Variants in LASP1 observed in about 807,000 individuals in gnomAD.
The protein encoded by LASP1 is LIM and SH3 protein 1, also known as LIM and SH3 domain protein 1.
LASP1 carries 10 observed loss-of-function variants against 38.6 expected under a neutral mutation model. That is an observed-to-expected ratio of 0.26 (90% CI 0.16 to 0.44). The LOEUF (loss-of-function observed/expected upper bound fraction) is 0.44. Among genes scored for constraint, LASP1 ranks in the 20% least tolerant of loss-of-function variants. The pLI, the probability that LASP1 is intolerant of heterozygous loss-of-function variation, is 1.00. For missense variants in LASP1, 243 were observed against 375.7 expected, an observed-to-expected ratio of 0.65 and a Z score of 2.92; for synonymous variants, 132 against 140.8, an observed-to-expected ratio of 0.94 and a Z score of 0.44.
chr17:38,917,217 T>C (rs1330163175), intron 6 of LASP1, among the ~76,000 whole-genome samples: 1 of 152,124 alleles, frequency 6.6e-6, no homozygotes. Context: ...TGGGAGTGGC[T>C]CAGCCCAAGA....
intron 1 of LASP1, among the ~76,000 whole-genome samples, chr17:38,876,980 G>A (rs1324132556): frequency 6.6e-6 from 1 of 152,150 alleles, no homozygotes; most frequent in Non-Finnish European, 1.5e-5. Context: ...GGGATTACAG[G>A]CGTGAGCCAC....
At chr17:38,914,239 C>T in intron 4 of LASP1, 86 bp from the exon 5 acceptor site, 1 of 1,495,622 alleles carries the variant, frequency 6.7e-7, no homozygotes, top group Non-Finnish European at 9.1e-7. Flanking sequence ...TGGGTAGTCT[C>T]TCCCATCCTG....
At chr17:38,901,554 A>C (rs1331218513) in intron 4 of LASP1, among the ~76,000 whole-genome samples, 1 of 152,142 alleles carries the variant, frequency 6.6e-6, no homozygotes, top group Non-Finnish European at 1.5e-5. Context: ...TTGACTGAAA[A>C]TGCAGACTCA....
At chr17:38,887,910 GTTCTTAGC>G (rs1201973738) in intron 2 of LASP1, among the ~76,000 whole-genome samples, 1 of 152,160 alleles carries the variant, frequency 6.6e-6, no homozygotes, top group Non-Finnish European at 1.5e-5. Context: ...GGGGCAGCTC[GTTCTTAGC>G]TCTCGAGTGT....
At chr17:38,879,619 C>T (rs1913883476) in intron 2 of LASP1, among the ~76,000 whole-genome samples, 1 of 148,106 alleles carries the variant, frequency 6.8e-6, no homozygotes, top group Non-Finnish European at 1.5e-5. Context: ...AGCTGAAGTT[C>T]ACCCAGGGAA....
rs534582397 is a variant in LASP1 at position 38,903,423 on chromosome 17, G to A, written c.357+4904G>A. On this transcript the variant is annotated intron_variant, in intron 4 of 6. Transcript: ENST00000318008. ...TGCCCAGGCTGGAGTACAGTGGCAC[G>A]ATCATAGGTCACTGCAGCCTCGAAC... Among the ~76,000 whole-genome samples the A allele has an allele frequency of 8.5e-5, 13 of 152,280 alleles. No homozygotes were observed. The East Asian group carries it at 1.4e-3, about 16-fold the overall frequency.
At chr17:38,889,193 G>T (rs181651665) in intron 2 of LASP1, among the ~76,000 whole-genome samples, 364 of 152,216 alleles carry the variant, frequency 2.4e-3, no homozygotes, top group African/African-American at 8.3e-3. Flanking sequence ...TGCAATGGCA[G>T]GATCTTGGCT....
intron 3 of LASP1, chr17:38,897,061 G>A (rs1451800006): frequency 1.0e-6 from 1 of 985,572 alleles, no homozygotes; most frequent in Non-Finnish European, 1.2e-6. Context: ...CTGAGGAAGA[G>A]CTGGTGCTAG....
intron 4 of LASP1, chr17:38,899,341 G>A (rs536381368): frequency 5.6e-4 from 88 of 158,550 alleles, no homozygotes; most frequent in South Asian, 2.6e-3. Flanking sequence ...GTCTGGAACA[G>A]GAAGGGATCA....
In LASP1 at chr17:38,919,855, G is replaced by A; in HGVS notation, c.*1077G>A. 6.4e-6 allele frequency: 3 copies of A among 466,510 alleles called. No individual in the cohort carries two copies. The highest frequency in any genetic ancestry group is 1.8e-5 in the South Asian group (1 of 54,530). The allele number at this position is 466,510 out of a possible 1,614,324, so 28.9% of individuals were successfully genotyped here. On this transcript the variant is annotated 3_prime_UTR_variant, in exon 7 of 7. Coordinates refer to ENST00000318008, the MANE Select transcript of LASP1 (RefSeq NM_006148.4). ...GGCAGGAGCATGTATGTCTGCAGGTGTCTGACACGCAAGTGTGTGAGTGTG... is the reference window on the plus strand; with the variant it reads ...GGCAGGAGCATGTATGTCTGCAGGTATCTGACACGCAAGTGTGTGAGTGTG...
Position 38,918,721 on chromosome 17 carries a change from G to A in LASP1, c.729G>A (p.Thr243=), listed in dbSNP as rs763227587. ...QQIDDGWMYG[T]VERTGDTGML... Reference sequence around the variant, plus strand: ...TCGACGACGGCTGGATGTACGGGACGGTGGAGCGCACCGGCGACACGGGGA... The same window carrying A: ...TCGACGACGGCTGGATGTACGGGACAGTGGAGCGCACCGGCGACACGGGGA... The change falls in exon 7 of 7, where the codon ACG becomes ACA. Residue 243 remains threonine (T), a synonymous_variant. Transcript: ENST00000318008. The surrounding 1 kb of genome is among the most constrained non-coding windows in gnomAD (Gnocchi z 4.4). 1.4e-5 allele frequency: 23 copies of A among 1,614,010 alleles called. No individual in the cohort carries two copies. The highest frequency in any genetic ancestry group is 1.6e-5 in the Non-Finnish European group (19 of 1,180,000).
At chr17:38,912,986 C>T (rs1168474530) in intron 4 of LASP1, among the ~76,000 whole-genome samples, 2 of 152,174 alleles carry the variant, frequency 1.3e-5, no homozygotes, top group Non-Finnish European at 2.9e-5. Context: ...AAGTCCTCCA[C>T]CATAGCACCC....
At position 38,921,212 on chromosome 17, in the gene LASP1, TG is replaced by T. The variant is rs1193481307; in HGVS notation, c.*2436del. The T allele has an allele frequency of 2.2e-5, 5 of 229,126 alleles. No homozygotes were observed. The highest frequency in any genetic ancestry group is 1.1e-4 in the African/African-American group (5 of 45,034). 14.2% of individuals were successfully genotyped at this position (229,126 alleles called of 1,614,324 possible). On this transcript the variant is annotated 3_prime_UTR_variant, in exon 7 of 7. Transcript: ENST00000318008. ...GCTGGGCTGGGCTGGGCTGAGCCCC[TG>T]GTCTTCTCTACAGTTCACAGAGGTC...
chr17:38,885,265 A>G (rs940338408), intron 2 of LASP1, among the ~76,000 whole-genome samples: 8 of 152,172 alleles, frequency 5.3e-5, no homozygotes, highest in Non-Finnish European at 7.3e-5. Context: ...CAGTTTCTTC[A>G]TCTGTAAAAC....
chr17:38,914,841 C>T, intron 5 of LASP1: 1 of 606,512 alleles, frequency 1.6e-6, no homozygotes, highest in Non-Finnish European at 2.9e-6. Context: ...AAGGAGAGGC[C>T]CCCAGGTCAT....
chr17:38,898,780 C>G (rs1914561043), intron 4 of LASP1: 1 of 552,216 alleles, frequency 1.8e-6, no homozygotes, highest in African/African-American at 1.9e-5. Context: ...AGCCCCCACT[C>G]TCTCTGACTG....
At position 38,918,667 on chromosome 17, in the gene LASP1, C is replaced by T. The variant is rs200671609; in HGVS notation, c.675C>T (p.Asp225=). The T allele has an allele frequency of 6.5e-5, 105 of 1,613,562 alleles. No homozygotes were observed. The highest frequency in any genetic ancestry group is 8.0e-5 in the African/African-American group (6 of 74,918). Reference sequence around the variant, plus strand: ...ACGAGGACGAGGTCTCCTTCCAGGACGGGGACACCATCGTCAACGTGCAGC... The same window carrying T: ...ACGAGGACGAGGTCTCCTTCCAGGATGGGGACACCATCGTCAACGTGCAGC... ...AADEDEVSFQ[D]GDTIVNVQQI... The change falls in exon 7 of 7, where the codon GAC becomes GAT. Residue 225 remains aspartate (D), a synonymous_variant. Coordinates refer to ENST00000318008, the MANE Select transcript of LASP1 (RefSeq NM_006148.4). This position sits in a 1 kb window ranked among gnomAD's most constrained non-coding sequence, Gnocchi z 4.4.
chr17:38,908,459 G>A (rs959221766), intron 4 of LASP1, among the ~76,000 whole-genome samples: 4 of 152,230 alleles, frequency 2.6e-5, no homozygotes, highest in African/African-American at 4.8e-5. Context: ...CACCTTCTGC[G>A]CTGGGTCTGT....
chr17:38,912,146 T>G (rs775563607), intron 4 of LASP1, among the ~76,000 whole-genome samples: 1 of 152,192 alleles, frequency 6.6e-6, no homozygotes, highest in Non-Finnish European at 1.5e-5. Flanking sequence ...GAACTACATA[T>G]ATCAGGCCTC....
Sources: gnomAD v4.1 joint callset for allele counts (sites outside exome capture counted in the v4.1 genomes callset) on GRCh38, gnomAD v4.1.1 for gene constraint, Gnocchi (gnomAD v3.1) non-coding constraint, MANE v1.5 for transcripts, NCBI Gene and HGNC (gene_info 2026-07-23, HGNC 2026-07-21) for gene names.